Variants in RNF150 observed in about 807,000 individuals in gnomAD.
The protein encoded by RNF150 is ring finger protein 150.
In RNF150, 24 loss-of-function variants were observed where a neutral mutation model predicts 39.3. That is an observed-to-expected ratio of 0.61 (90% CI 0.44 to 0.86). The LOEUF is 0.86. RNF150 is among the 40% of genes least tolerant of loss of function. The pLI is 0.00. For missense variants in RNF150, 502 were observed against 587.8 expected (o/e 0.85, Z 1.51); for synonymous variants, 255 against 227.3 (o/e 1.12, Z -1.10).
At chr4:141,087,398 C>A (rs570661959) in intron 1 of RNF150, among the ~76,000 whole-genome samples, 1 of 152,114 alleles carries the variant, frequency 6.6e-6, no homozygotes, top group Admixed American at 6.5e-5. Context: ...CTCCTTTGTA[C>A]CTCCTCCTTT....
intron 6 of RNF150, among the ~76,000 whole-genome samples, chr4:140,901,997 G>T (rs1017570807): frequency 6.6e-6 from 1 of 152,162 alleles, no homozygotes; most frequent in Non-Finnish European, 1.5e-5. Context: ...AATGCTTAAT[G>T]ATTTTGTTAG....
chr4:140,970,978 A>G (rs1733441860), intron 1 of RNF150, among the ~76,000 whole-genome samples: 1 of 152,172 alleles, frequency 6.6e-6, no homozygotes, highest in Non-Finnish European at 1.5e-5. Flanking sequence ...TATTTATCCT[A>G]ATAGAAACAG....
In RNF150 at chr4:140,868,233, C is replaced by A; in HGVS notation, c.*28G>T. 1 of 1,301,154 alleles carries A rather than the reference C, an allele frequency of 7.7e-7. No individual in the cohort carries two copies. The allele number at this position is 1,301,154 out of a possible 1,614,324, so 80.6% of individuals were successfully genotyped here. On this transcript the variant is annotated 3_prime_UTR_variant, in exon 7 of 7. Coordinates refer to ENST00000515673, the MANE Select transcript of RNF150 (RefSeq NM_020724.2). ...TTCCCTTCCTTTCCCTTGGGTCCTACTATCTCTTTGCTTCTGGATTTGTCG... is the reference window on the plus strand; with the variant it reads ...TTCCCTTCCTTTCCCTTGGGTCCTAATATCTCTTTGCTTCTGGATTTGTCG...
At position 140,894,220 on chromosome 4, in the gene RNF150, C is replaced by G. The variant is rs1404830913; in HGVS notation, c.1198+16924G>C. On this transcript the variant is annotated intron_variant, in intron 6 of 6. Coordinates refer to ENST00000515673, the MANE Select transcript of RNF150 (RefSeq NM_020724.2). ...CCTTCAGAGGAGGGGCAATGTCATC[C>G]TAGCTCAAAATAGGCATTAATAAAT... Among the ~76,000 whole-genome samples, 7 of 138,100 alleles carry G rather than the reference C, an allele frequency of 5.1e-5. No individual in the cohort carries two copies. The Admixed American group carries it at 5.2e-4, about 10-fold the overall frequency. The allele number at this position is 138,100 out of a possible 152,430, so 90.6% of individuals were successfully genotyped here.
intron 1 of RNF150, among the ~76,000 whole-genome samples, chr4:140,991,178 C>A (rs1422568026): frequency 6.6e-6 from 1 of 152,042 alleles, no homozygotes; most frequent in African/African-American, 2.4e-5. Context: ...CATTTGCCCA[C>A]TTTTTAATGG....
intron 1 of RNF150, among the ~76,000 whole-genome samples, chr4:141,168,240 A>G (rs777496803): frequency 1.3e-5 from 2 of 152,214 alleles, no homozygotes; most frequent in East Asian, 1.9e-4. Context: ...CAAAACCACA[A>G]TGAGATACCA....
At chr4:140,882,669 A>G (rs929379150) in intron 6 of RNF150, among the ~76,000 whole-genome samples, 6 of 152,226 alleles carry the variant, frequency 3.9e-5, no homozygotes, top group Non-Finnish European at 7.3e-5. Context: ...TAATCATTAT[A>G]TAATGACATT....
Position 140,911,374 on chromosome 4 carries a change from T to A in RNF150, c.988-20A>T, listed in dbSNP as rs778915258. 2.5e-6 allele frequency: 4 copies of A among 1,608,010 alleles called. No homozygotes were observed. Among genetic ancestry groups the A allele is most frequent in the Admixed American group, 1.7e-5 (1 of 59,898 alleles). ...ATTGGGCTGATGGGGCAGAAAAAGA[T>A]CTGTTCTCAGTACATGTCATCCACT... On this transcript the variant is annotated intron_variant, in intron 5 of 6. Transcript: ENST00000515673.
rs140469447 is a variant in RNF150, at chr4:141,157,299, A to G, written c.-6+55495T>C. Among the ~76,000 whole-genome samples the G allele has an allele frequency of 9.8e-4, 149 of 152,294 alleles. 1 individual carries two copies. Among genetic ancestry groups the G allele is most frequent in the African/African-American group, 3.4e-3 (143 of 41,574 alleles). Reference sequence around the variant, plus strand: ...AAAATATTTCCTAAAATGGCCATCCATACTGCTGCACCGAAGAAGATGTCA... The same window carrying G: ...AAAATATTTCCTAAAATGGCCATCCGTACTGCTGCACCGAAGAAGATGTCA... On this transcript the variant is annotated intron_variant, in intron 1 of 7. Transcript: ENST00000420921.
chr4:140,883,976 C>CT (rs538645392), intron 6 of RNF150, among the ~76,000 whole-genome samples: 141 of 145,968 alleles, frequency 9.7e-4, no homozygotes, highest in African/African-American at 1.6e-3. Flanking sequence ...TTGTACTTCA[C>CT]TTTTTTTTTT....
intron 6 of RNF150, among the ~76,000 whole-genome samples, chr4:140,876,646 G>A (rs1166148056): frequency 2.6e-5 from 4 of 152,178 alleles, no homozygotes; most frequent in East Asian, 1.9e-4. Context: ...CAATAATACC[G>A]CTATGATGGC....
intron 1 of RNF150, among the ~76,000 whole-genome samples, chr4:141,195,159 AAAAAG>A: frequency 6.6e-6 from 1 of 152,096 alleles, no homozygotes; most frequent in South Asian, 2.1e-4. Flanking sequence ...TCATAAAACT[AAAAAG>A]AGAAGTTCCT....
chr4:140,970,521 C>T (rs932425045), intron 1 of RNF150, among the ~76,000 whole-genome samples: 2 of 139,794 alleles, frequency 1.4e-5, no homozygotes, highest in African/African-American at 5.3e-5. Flanking sequence ...AAACTAGAGT[C>T]TAACAGAGTT....
upstream of RNF150, among the ~76,000 whole-genome samples, chr4:141,136,215 A>C (rs978016264): frequency 6.6e-6 from 1 of 152,162 alleles, no homozygotes; most frequent in Non-Finnish European, 1.5e-5. Context: ...TGGATGGTAT[A>C]TTTTATCAAT....
chr4:141,145,535 A>G (rs1296077712), intron 1 of RNF150, among the ~76,000 whole-genome samples: 2 of 152,106 alleles, frequency 1.3e-5, no homozygotes, highest in African/African-American at 2.4e-5. Context: ...GTATATGCAC[A>G]TGTGTGTATT....
chr4:140,889,648 G>A (rs780972027), intron 6 of RNF150, among the ~76,000 whole-genome samples: 2 of 152,018 alleles, frequency 1.3e-5, no homozygotes, highest in African/African-American at 4.8e-5. Flanking sequence ...ACCAAACTGC[G>A]GTGTCTCCAT....
chr4:141,049,980 A>G (rs972611863), intron 1 of RNF150, among the ~76,000 whole-genome samples: 29 of 152,130 alleles, frequency 1.9e-4, no homozygotes, highest in African/African-American at 7.0e-4. Context: ...TGTATATGCA[A>G]TAGCCAAATT....
intron 1 of RNF150, among the ~76,000 whole-genome samples, chr4:141,199,893 C>G (rs1179313949): frequency 6.6e-6 from 1 of 152,070 alleles, no homozygotes; most frequent in Admixed American, 6.5e-5. Flanking sequence ...GAAATAAACT[C>G]AATTTTTAGT....
At chr4:140,897,101 T>A (rs988550295) in intron 6 of RNF150, among the ~76,000 whole-genome samples, 8 of 152,152 alleles carry the variant, frequency 5.3e-5, no homozygotes, top group Admixed American at 1.3e-4. Flanking sequence ...AGAAGGATCC[T>A]CCAAGGATCA....
Sources: gnomAD v4.1 joint callset for allele counts (sites outside exome capture counted in the v4.1 genomes callset) on GRCh38, gnomAD v4.1.1 for gene constraint, MANE v1.5 for transcripts, NCBI Gene and HGNC (gene_info 2026-07-23, HGNC 2026-07-21) for gene names.